Variants in GRM8 observed in about 807,000 individuals in gnomAD.
GRM8 encodes glutamate metabotropic receptor 8.
A neutral mutation model predicts 87.2 loss-of-function variants in GRM8; 47 were observed. The observed-to-expected ratio is 0.54, with a 90% CI of 0.43 to 0.69. The LOEUF is 0.69. Among genes scored for constraint, GRM8 ranks in the 30% least tolerant of loss-of-function variants. GRM8 has a pLI of 0.00. For missense variants in GRM8, 1,019 were observed against 1,139.2 expected (o/e 0.89, Z 1.52); for synonymous variants, 396 against 404.5 (o/e 0.98, Z 0.25).
At chr7:126,668,175 G>A (rs1221853548) in intron 7 of GRM8, among the ~76,000 whole-genome samples, 1 of 152,120 alleles carries the variant, frequency 6.6e-6, no homozygotes, top group Non-Finnish European at 1.5e-5. Context: ...CTGGGCTTGT[G>A]AGAGTCCCTG....
intron 6 of GRM8, among the ~76,000 whole-genome samples, chr7:126,812,947 T>C (rs1330305089): frequency 2.0e-5 from 3 of 152,062 alleles, no homozygotes; most frequent in African/African-American, 7.2e-5. Flanking sequence ...GTTGATTTCA[T>C]AGCTTTGCTA....
At chr7:126,633,281 A>G (rs112437273) in intron 7 of GRM8, among the ~76,000 whole-genome samples, 3,657 of 152,212 alleles carry the variant, frequency 0.024, 139 homozygotes, top group African/African-American at 0.084. Context: ...ACAAACAAAC[A>G]AAAAACAAAT....
Position 126,731,112 on chromosome 7 carries a change from A to G in GRM8, c.1357+38753T>C, listed in dbSNP as rs140890784. 6.4e-3 allele frequency among the ~76,000 whole-genome samples: 972 copies of G among 152,308 alleles called. 10 individuals carry two copies. Among genetic ancestry groups the G allele is most frequent in the African/African-American group, 0.022 (904 of 41,582 alleles). On this transcript the variant is annotated intron_variant, in intron 7 of 10. Coordinates refer to ENST00000339582, the MANE Select transcript of GRM8 (RefSeq NM_000845.3). Reference sequence around the variant, plus strand: ...TTTTCATATTAAGCCAAATTTGTCAATTGGAAAGAAATGTATATAAAAGAT... The same window carrying G: ...TTTTCATATTAAGCCAAATTTGTCAGTTGGAAAGAAATGTATATAAAAGAT...
intron 5 of GRM8, among the ~76,000 whole-genome samples, chr7:126,903,102 C>G (rs79545980): frequency 0.018 from 2,686 of 152,236 alleles, 62 homozygotes; most frequent in African/African-American, 0.049. Context: ...TTTCCACATA[C>G]TTCAAAATTT....
intron 7 of GRM8, among the ~76,000 whole-genome samples, chr7:126,746,620 A>G (rs1181343722): frequency 6.6e-6 from 1 of 151,706 alleles, no homozygotes; most frequent in African/African-American, 2.4e-5. Context: ...CCTGGTTTTG[A>G]TAATTTGTAA....
intron 8 of GRM8, among the ~76,000 whole-genome samples, chr7:126,603,237 A>T (rs529567858): frequency 4.8e-4 from 71 of 147,610 alleles, no homozygotes; most frequent in African/African-American, 1.7e-3. Context: ...GACGTATTTC[A>T]AAATAATAAG....
intron 9 of GRM8, among the ~76,000 whole-genome samples, chr7:126,526,403 T>C (rs1009959983): frequency 1.3e-5 from 2 of 152,006 alleles, no homozygotes; most frequent in African/African-American, 4.8e-5. Flanking sequence ...TTCAACCATT[T>C]CGATGTGTTA....
At chr7:126,673,804 G>A (rs1170496345) in intron 7 of GRM8, among the ~76,000 whole-genome samples, 8 of 152,136 alleles carry the variant, frequency 5.3e-5, no homozygotes, top group Admixed American at 2.6e-4. Flanking sequence ...GAGATAGTGG[G>A]AGAGGTAGAC....
chr7:126,668,801 C>T (rs1806076920), intron 7 of GRM8, among the ~76,000 whole-genome samples: 1 of 152,076 alleles, frequency 6.6e-6, no homozygotes, highest in African/African-American at 2.4e-5. Context: ...TTTTACTAGG[C>T]CAGGCTTCAC....
At chr7:126,887,636 C>T (rs1314787856) in intron 6 of GRM8, among the ~76,000 whole-genome samples, 8 of 152,068 alleles carry the variant, frequency 5.3e-5, no homozygotes, top group African/African-American at 1.7e-4. Context: ...CATATACCTC[C>T]CCCTCGCAAT....
At chr7:127,248,844 A>G (rs1022644097) in intron 1 of GRM8, among the ~76,000 whole-genome samples, 1 of 152,328 alleles carries the variant, frequency 6.6e-6, no homozygotes, top group African/African-American at 2.4e-5. Flanking sequence ...AACCCTGGCA[A>G]GCCTATATGG....
At chr7:126,895,557 T>C (rs769767854) in intron 6 of GRM8, among the ~76,000 whole-genome samples, 6 of 152,114 alleles carry the variant, frequency 3.9e-5, no homozygotes, top group Non-Finnish European at 5.9e-5. Flanking sequence ...CATATTGCTT[T>C]AAAATAGATA....
intron 7 of GRM8, among the ~76,000 whole-genome samples, chr7:126,727,812 C>T (rs907018304): frequency 6.6e-6 from 1 of 151,854 alleles, no homozygotes; most frequent in Admixed American, 6.6e-5. Flanking sequence ...TCTCCCACAA[C>T]CTTTAAGACA....
At chr7:127,094,160 CA>C (rs1296879461) in intron 3 of GRM8, among the ~76,000 whole-genome samples, 1 of 152,206 alleles carries the variant, frequency 6.6e-6, no homozygotes, top group Admixed American at 6.5e-5. Context: ...GTTCTTCTAT[CA>C]ACACAGTAAG....
chr7:127,208,394 TAGCCTCTGCAAGAGGCTACACTTCCC>T (rs1248892055), intron 2 of GRM8, among the ~76,000 whole-genome samples: 1 of 152,154 alleles, frequency 6.6e-6, no homozygotes, highest in African/African-American at 2.4e-5. Context: ...TGTCTGTTAA[TAGCCTCTGCAAGAGGCTACACTTCCC>T]AGCCTTCAAA....
intron 2 of GRM8, among the ~76,000 whole-genome samples, chr7:127,213,334 T>C (rs1240405350): frequency 6.6e-6 from 1 of 152,212 alleles, no homozygotes; most frequent in Non-Finnish European, 1.5e-5. Context: ...TACTGAGATG[T>C]GCTGTAAGTA....
chr7:126,723,483 C>T (rs1447163174), intron 7 of GRM8, among the ~76,000 whole-genome samples: 2 of 151,726 alleles, frequency 1.3e-5, no homozygotes, highest in Non-Finnish European at 2.9e-5. Flanking sequence ...CCCATGGATG[C>T]TAGAATTCAG....
intron 6 of GRM8, among the ~76,000 whole-genome samples, chr7:126,883,765 A>C (rs1260059417): frequency 6.6e-6 from 1 of 152,158 alleles, no homozygotes; most frequent in Non-Finnish European, 1.5e-5. Flanking sequence ...TTTTTAACTA[A>C]GACTATCATG....
intron 9 of GRM8, among the ~76,000 whole-genome samples, chr7:126,471,176 C>A (rs986372302): frequency 1.3e-5 from 2 of 151,902 alleles, no homozygotes; most frequent in African/African-American, 4.8e-5. Flanking sequence ...TTTTGCTGTG[C>A]AGAAGCTCTT....
Sources: allele counts gnomAD v4.1 joint callset (sites outside exome capture counted in the v4.1 genomes callset), GRCh38; gene constraint gnomAD v4.1.1; transcripts MANE v1.5; gene names NCBI Gene and HGNC (gene_info 2026-07-23, HGNC 2026-07-21).